Variants in NDST4 observed in about 807,000 individuals in gnomAD.
NDST4 encodes N-deacetylase and N-sulfotransferase 4.
Under a neutral mutation model 100.8 loss-of-function variants are expected in NDST4, and 63 were observed. The observed-to-expected ratio is 0.62, with a 90% CI of 0.51 to 0.77. The LOEUF (loss-of-function observed/expected upper bound fraction) is 0.77, where lower values mean the gene tolerates loss of function less well. Ranked by LOEUF, NDST4 falls within the 30% of genes least tolerant of loss-of-function variation. The probability of loss-of-function intolerance (pLI) is 0.00; values close to 1 mark genes in which losing one functional copy is unlikely to be tolerated. For synonymous variants in NDST4, 377 were observed against 361.8 expected (o/e 1.04, Z -0.48); for missense variants, 943 against 1,018.4 (o/e 0.93, Z 1.01).
intron 6 of NDST4, among the ~76,000 whole-genome samples, chr4:114,893,686 A>G (rs955484904): frequency 6.6e-6 from 1 of 151,716 alleles, no homozygotes; most frequent in African/African-American, 2.4e-5. Context: ...CCCCTTCTTT[A>G]GGTTGCCTAT....
chr4:114,842,424 AC>A (rs1723444693), intron 10 of NDST4, among the ~76,000 whole-genome samples: 2 of 151,780 alleles, frequency 1.3e-5, no homozygotes, highest in African/African-American at 2.4e-5. Flanking sequence ...GGATTCTCAA[AC>A]ATAGGCCTGT....
intron 4 of NDST4, among the ~76,000 whole-genome samples, chr4:114,962,714 A>G (rs994224245): frequency 6.6e-6 from 1 of 152,110 alleles, no homozygotes; most frequent in Admixed American, 6.5e-5. Flanking sequence ...AAGACTTAAT[A>G]TTGGTAAGAG....
intron 2 of NDST4, among the ~76,000 whole-genome samples, chr4:115,012,741 C>A (rs1169112972): frequency 2.8e-5 from 1 of 35,712 alleles, no homozygotes; most frequent in Admixed American, 2.1e-4. Context: ...CCTGTACTCT[C>A]ATGTTTTTGC....
At position 115,076,108 on chromosome 4, in the gene NDST4, T is replaced by C; in HGVS notation, c.929A>G (p.Asp310Gly). The change falls in exon 2 of 14, where the codon GAT becomes GGT. Residue 310 changes from aspartate to glycine, a missense_variant. Asp to Gly is a moderately conservative substitution (Grantham distance 94). This residue lies in a region of NDST4 where 417 missense variants were observed against 384.2 expected (regional missense o/e 1.09). Coordinates refer to ENST00000264363, the MANE Select transcript of NDST4 (RefSeq NM_022569.3). The stretch of plus-strand genomic sequence containing the variant: ...TGTTCCCTCTTTCCCAACAAATATA[T>C]CATCAATGTCCACAAGGATGTACCT... ...LDRYILVDID[D>G]IFVGKEGTRM... 1 of 1,613,578 alleles carries C rather than the reference T, an allele frequency of 6.2e-7. No individual in the cohort carries two copies. The highest frequency in any genetic ancestry group is 8.5e-7 in the Non-Finnish European group (1 of 1,179,756).
At chr4:114,945,545 G>A (rs763562356) in intron 4 of NDST4, among the ~76,000 whole-genome samples, 1 of 152,098 alleles carries the variant, frequency 6.6e-6, no homozygotes, top group African/African-American at 2.4e-5. Context: ...CACATCATAG[G>A]TGTTTAATAA....
intron 11 of NDST4, among the ~76,000 whole-genome samples, chr4:114,838,546 T>C (rs1723352165): frequency 6.6e-6 from 1 of 152,120 alleles, no homozygotes; most frequent in South Asian, 2.1e-4. Flanking sequence ...GAAACCATCA[T>C]TGTCAGCAAA....
rs542060876 is a variant in NDST4, at chr4:114,918,805, G to C, written c.1536+16401C>G. 2.0e-5 allele frequency among the ~76,000 whole-genome samples: 3 copies of C among 152,240 alleles called. No individual in the cohort carries two copies. In the South Asian group the frequency reaches 6.2e-4, roughly 32 times the overall value. On this transcript the variant is annotated intron_variant, in intron 6 of 13. Transcript: ENST00000264363. ...ATAAATGGACCTGATTGAGAACATA[G>C]GGGAGCACTTTCTCTATTTAAGCCA...
chr4:115,090,259 A>G (rs550659706), intron 1 of NDST4, among the ~76,000 whole-genome samples: 22 of 152,102 alleles, frequency 1.4e-4, no homozygotes, highest in Non-Finnish European at 2.9e-4. Context: ...ACCTCTACCA[A>G]TAGAATAACC....
chr4:114,968,354 A>T (rs971183296), intron 4 of NDST4, among the ~76,000 whole-genome samples: 1 of 152,058 alleles, frequency 6.6e-6, no homozygotes, highest in African/African-American at 2.4e-5. Context: ...GGATTCACAA[A>T]CCCTTTGTGA....
intron 11 of NDST4, among the ~76,000 whole-genome samples, chr4:114,836,603 G>T (rs1222541838): frequency 6.6e-6 from 1 of 152,042 alleles, no homozygotes; most frequent in African/African-American, 2.4e-5. Context: ...CTTAGGGTTG[G>T]TCTTCTCATG....
intron 7 of NDST4, among the ~76,000 whole-genome samples, chr4:114,856,416 G>A (rs1365986799): frequency 1.3e-5 from 2 of 151,986 alleles, no homozygotes; most frequent in African/African-American, 4.8e-5. Context: ...AAATATTAGA[G>A]ACCAAATATT....
At chr4:115,105,635 G>T (rs967266258) in intron 1 of NDST4, among the ~76,000 whole-genome samples, 6 of 152,086 alleles carry the variant, frequency 3.9e-5, no homozygotes, top group Admixed American at 3.9e-4. Flanking sequence ...TTGGTAGCCA[G>T]CATTTATTTT....
chr4:114,913,443 G>A (rs191404576), intron 6 of NDST4, among the ~76,000 whole-genome samples: 16 of 151,964 alleles, frequency 1.1e-4, no homozygotes, highest in Admixed American at 4.6e-4. Flanking sequence ...TACGATATGC[G>A]GAAATACCTA....
intron 7 of NDST4, among the ~76,000 whole-genome samples, chr4:114,855,380 T>C (rs1723771848): frequency 6.6e-6 from 1 of 152,152 alleles, no homozygotes; most frequent in Admixed American, 6.6e-5. Context: ...TTCTCCAATG[T>C]TTTATTTTAG....
chr4:114,996,702 G>A (rs1314201427), intron 2 of NDST4, among the ~76,000 whole-genome samples: 1 of 151,922 alleles, frequency 6.6e-6, no homozygotes, highest in African/African-American at 2.4e-5. Flanking sequence ...AATTCCTTAG[G>A]TTATTTAAAG....
intron 2 of NDST4, among the ~76,000 whole-genome samples, chr4:115,040,092 GATCAA>G (rs1459992339): frequency 1.3e-5 from 2 of 151,492 alleles, no homozygotes; most frequent in Non-Finnish European, 2.9e-5. Context: ...TTTTTGCAAA[GATCAA>G]ATAAAACGGA....
chr4:115,100,805 C>CT (rs58968400), intron 1 of NDST4, among the ~76,000 whole-genome samples: 7 of 147,776 alleles, frequency 4.7e-5, no homozygotes, highest in South Asian at 2.1e-4. Flanking sequence ...TGCTTCACTC[C>CT]TTTTTTTTTT....
At chr4:114,944,365 C>G (rs1432419917) in intron 4 of NDST4, among the ~76,000 whole-genome samples, 1 of 152,180 alleles carries the variant, frequency 6.6e-6, no homozygotes. Flanking sequence ...AACCCCACAT[C>G]ACATATAACT....
chr4:114,879,142 T>C (rs965589456), intron 6 of NDST4, among the ~76,000 whole-genome samples: 1 of 152,180 alleles, frequency 6.6e-6, no homozygotes, highest in Admixed American at 6.6e-5. Context: ...AGCATATCCA[T>C]TACCTCAAAT....
Sources: allele counts gnomAD v4.1 joint callset (sites outside exome capture counted in the v4.1 genomes callset), GRCh38; gene constraint gnomAD v4.1.1; regional missense constraint gnomAD v4.1.1; transcripts MANE v1.5; gene names NCBI Gene and HGNC (gene_info 2026-07-23, HGNC 2026-07-21).